The following GRAMD2B variants were observed in gnomAD, a reference collection of about 807,000 sequenced individuals.
The protein encoded by GRAMD2B is GRAM domain containing 2B.
In GRAMD2B, 41 loss-of-function variants were observed where a neutral mutation model predicts 59.2. The ratio of observed to expected loss-of-function variants is 0.69; its 90% CI spans 0.54 to 0.90. The LOEUF (loss-of-function observed/expected upper bound fraction) is 0.90. GRAMD2B is among the 40% of genes least tolerant of loss of function. The probability of loss-of-function intolerance (pLI) is 0.00; values close to 1 mark genes in which losing one functional copy is unlikely to be tolerated. For missense variants in GRAMD2B, 424 were observed against 500.5 expected, an observed-to-expected ratio of 0.85 and a Z score of 1.46; for synonymous variants, 161 against 182.7, an observed-to-expected ratio of 0.88 and a Z score of 0.96.
rs1392463750 is a variant in GRAMD2B at position 126,465,361 on chromosome 5, A to G, written c.84-65A>G. 1.9e-6 allele frequency: 3 copies of G among 1,606,954 alleles called. No homozygotes were observed. The Admixed American group carries it at 5.2e-5, about 28-fold the overall frequency. The stretch of plus-strand genomic sequence containing the variant: ...ATTCTCTAGAAAACCATGTTACTTC[A>G]TCGTTTTCCTTCCAGCTACCTCTCT... On this transcript the variant is annotated intron_variant, in intron 1 of 13. Coordinates refer to ENST00000285689, the MANE Select transcript of GRAMD2B (RefSeq NM_023927.4).
At chr5:126,419,999 G>A (rs1416680182), upstream of GRAMD2B, among the ~76,000 whole-genome samples, 1 of 145,654 alleles carries the variant, frequency 6.9e-6, no homozygotes, top group African/African-American at 2.6e-5. Flanking sequence ...AGGTTGCAGT[G>A]AGCTGAGATC....
intron 1 of GRAMD2B, among the ~76,000 whole-genome samples, chr5:126,394,200 G>A (rs181747590): frequency 4.7e-4 from 72 of 151,884 alleles, no homozygotes; most frequent in African/African-American, 1.3e-3. Context: ...GAGTGAACCC[G>A]GGAGGCAGAG....
At chr5:126,492,870 C>A in intron 13 of GRAMD2B, 45 bp from the exon 14 acceptor site, 2 of 1,244,942 alleles carry the variant, frequency 1.6e-6, no homozygotes, top group South Asian at 1.2e-5. Flanking sequence ...CCTTAATATA[C>A]TCCATTCTAT....
chr5:126,379,552 T>C (rs1755486441), intron 1 of GRAMD2B, among the ~76,000 whole-genome samples: 1 of 152,140 alleles, frequency 6.6e-6, no homozygotes, highest in South Asian at 2.1e-4. Context: ...TTTCACCACA[T>C]CCACACCAAC....
At chr5:126,451,727 C>T (rs183990045) in intron 1 of GRAMD2B, among the ~76,000 whole-genome samples, 80 of 152,196 alleles carry the variant, frequency 5.3e-4, no homozygotes, top group Non-Finnish European at 9.1e-4. Flanking sequence ...GGATATTTGT[C>T]CCCTCCAAAT....
chr5:126,362,074 T>C (rs920643866), intron 1 of GRAMD2B, among the ~76,000 whole-genome samples: 13 of 152,220 alleles, frequency 8.5e-5, no homozygotes. Context: ...TCCTCCTTTG[T>C]TTTTTATTAC....
At chr5:126,367,761 T>C (rs1754528822), upstream of GRAMD2B, among the ~76,000 whole-genome samples, 1 of 152,218 alleles carries the variant, frequency 6.6e-6, no homozygotes, top group African/African-American at 2.4e-5. Flanking sequence ...TCTTTTCTTT[T>C]CTTTTTTTGA....
At chr5:126,478,842 G>C (rs978707372) in intron 6 of GRAMD2B, among the ~76,000 whole-genome samples, 10 of 152,150 alleles carry the variant, frequency 6.6e-5, no homozygotes, top group Admixed American at 1.3e-4. Flanking sequence ...TCCTGGTGTG[G>C]GGGTGGCCAG....
At chr5:126,371,045 T>C (rs1207281382), upstream of GRAMD2B, among the ~76,000 whole-genome samples, 1 of 152,086 alleles carries the variant, frequency 6.6e-6, no homozygotes, top group Non-Finnish European at 1.5e-5. Context: ...CAGGCTCAGG[T>C]GGTTAGAAAA....
chr5:126,376,370 C>T (rs1376046959), intron 1 of GRAMD2B, among the ~76,000 whole-genome samples: 2 of 152,220 alleles, frequency 1.3e-5, no homozygotes, highest in African/African-American at 4.8e-5. Flanking sequence ...GTGTCCAAGG[C>T]AGCCCCACAG....
chr5:126,382,973 T>C (rs1349788540), intron 1 of GRAMD2B, among the ~76,000 whole-genome samples: 7 of 152,108 alleles, frequency 4.6e-5, no homozygotes, highest in Non-Finnish European at 1.0e-4. Flanking sequence ...TTCACGGATG[T>C]AGCCACTCAG....
At chr5:126,444,377 G>C (rs1243513278) in intron 1 of GRAMD2B, among the ~76,000 whole-genome samples, 1 of 152,198 alleles carries the variant, frequency 6.6e-6, no homozygotes, top group Non-Finnish European at 1.5e-5. Context: ...GCCATTCAAG[G>C]AGATGTTATG....
chr5:126,447,316 C>T (rs1764425954), intron 1 of GRAMD2B, among the ~76,000 whole-genome samples: 1 of 152,168 alleles, frequency 6.6e-6, no homozygotes, highest in Admixed American at 6.5e-5. Flanking sequence ...TACATCCATT[C>T]CTATTGCTAT....
intron 1 of GRAMD2B, among the ~76,000 whole-genome samples, chr5:126,412,350 G>C (rs980167490): frequency 6.6e-6 from 1 of 152,068 alleles, no homozygotes; most frequent in Non-Finnish European, 1.5e-5. Flanking sequence ...AGCTTTTGCT[G>C]CATCTATTGA....
intron 1 of GRAMD2B, among the ~76,000 whole-genome samples, chr5:126,403,811 T>C (rs74530248): frequency 0.01 from 1,524 of 151,996 alleles, 40 homozygotes; most frequent in African/African-American, 0.035. Context: ...AGAAAGATTT[T>C]CTAAATACAT....
intron 1 of GRAMD2B, among the ~76,000 whole-genome samples, chr5:126,438,422 G>A (rs1260872789): frequency 6.6e-6 from 1 of 152,134 alleles, no homozygotes; most frequent in African/African-American, 2.4e-5. Flanking sequence ...TGAAAGTGGA[G>A]GAATGAATAG....
chr5:126,379,282 C>T (rs1007886191), intron 1 of GRAMD2B, among the ~76,000 whole-genome samples: 4 of 152,098 alleles, frequency 2.6e-5, no homozygotes, highest in African/African-American at 9.7e-5. Flanking sequence ...ATATATACTA[C>T]ATTTTCTGTA....
intron 1 of GRAMD2B, among the ~76,000 whole-genome samples, chr5:126,447,390 C>G (rs1764438392): frequency 6.6e-6 from 1 of 152,144 alleles, no homozygotes; most frequent in Non-Finnish European, 1.5e-5. Context: ...AGGCCGGGCG[C>G]AGTGGCTCAC....
Position 126,465,449 on chromosome 5 carries a change from A to C in GRAMD2B, c.107A>C (p.Glu36Ala), listed in dbSNP as rs759244808. The C allele has an allele frequency of 6.2e-7, 1 of 1,614,096 alleles. No homozygotes were observed. The highest frequency in any genetic ancestry group is 8.5e-7 in the Non-Finnish European group (1 of 1,180,012). ...SAHSEAENGV[E>A]EKKKACRSPT... is the part of the protein sequence containing the mutation. ...AGCTCAGAGGCTGAGAATGGTGTGG[A>C]GGAGAAAAAGAAAGCCTGCAGGTCG... Residue 36 changes from glutamate (E) to alanine (A), a missense_variant, in exon 2 of 14, where the codon GAG becomes GCG. Physicochemically the swap from Glu to Ala is moderately radical, Grantham distance 107. Coordinates refer to ENST00000285689, the MANE Select transcript of GRAMD2B (RefSeq NM_023927.4).
Sources: gnomAD v4.1 joint callset for allele counts (sites outside exome capture counted in the v4.1 genomes callset) on GRCh38, gnomAD v4.1.1 for gene constraint, MANE v1.5 for transcripts, NCBI Gene and HGNC (gene_info 2026-07-23, HGNC 2026-07-21) for gene names.